Variants in NAALADL2 observed in about 807,000 individuals in gnomAD.
NAALADL2 encodes the protein inactive N-acetylated-alpha-linked acidic dipeptidase-like protein 2.
In NAALADL2, 76 loss-of-function variants were observed where a neutral mutation model predicts 87.2. The ratio of observed to expected loss-of-function variants is 0.87; its 90% CI spans 0.72 to 1.05. NAALADL2 has a LOEUF of 1.05. Among genes scored for constraint, NAALADL2 ranks in the 50% least tolerant of loss-of-function variants. The pLI is 0.00. For missense variants in NAALADL2, 1,089 were observed against 945.8 expected, an observed-to-expected ratio of 1.15 and a Z score of -1.99; for synonymous variants, 354 against 331.0, an observed-to-expected ratio of 1.07 and a Z score of -0.75.
chr3:175,106,654 G>A (rs10049218), intron 2 of NAALADL2, among the ~76,000 whole-genome samples: 15,591 of 152,028 alleles, frequency 0.1, 826 homozygotes, highest in Middle Eastern at 0.18. Context: ...AGAGTGCGGT[G>A]TAAGTTAAAC....
chr3:175,609,022 ATTGT>A (rs1241337589), intron 10 of NAALADL2, among the ~76,000 whole-genome samples: 59 of 150,806 alleles, frequency 3.9e-4, no homozygotes, highest in African/African-American at 1.3e-3. Flanking sequence ...AGTAGTAGTA[ATTGT>A]TTGTACTAAG....
chr3:174,930,272 T>C (rs571930514), intron 1 of NAALADL2, among the ~76,000 whole-genome samples: 29 of 152,274 alleles, frequency 1.9e-4, no homozygotes, highest in African/African-American at 6.7e-4. Context: ...ATTTTTTATA[T>C]ATATTATTCC....
chr3:174,624,623 C>CA lies in NAALADL2; in HGVS notation c.-115+74001dup, dbSNP rs35352173. 9.4e-3 allele frequency among the ~76,000 whole-genome samples: 1,322 copies of CA among 139,958 alleles called. 16 individuals carry two copies. The highest frequency in any genetic ancestry group is 0.028 in the African/African-American group (1,074 of 38,404). The allele number at this position is 139,958 out of a possible 152,430, so 91.8% of individuals were successfully genotyped here. A position where few individuals can be genotyped will look rare whatever the true frequency, so the allele number is the denominator to read the frequency against. On this transcript the variant is annotated intron_variant, in intron 2 of 3. Coordinates refer to the NAALADL2 transcript ENST00000434257. ...TGGGCGACAGAGCGAGACTCCATCT[C>CA]AAAAAAAAAAAAAAAGTTGGCATCA...
intron 1 of NAALADL2, among the ~76,000 whole-genome samples, chr3:174,955,411 T>C (rs1427965323): frequency 6.6e-6 from 1 of 152,144 alleles, no homozygotes; most frequent in Non-Finnish European, 1.5e-5. Context: ...TGTTTGGATA[T>C]TCTCTTCAAG....
At chr3:174,821,176 A>C (rs994420535) in intron 3 of NAALADL2, among the ~76,000 whole-genome samples, 1 of 152,188 alleles carries the variant, frequency 6.6e-6, no homozygotes, top group African/African-American at 2.4e-5. Context: ...TGGCTTAGTA[A>C]AATCAATGCT....
chr3:174,771,424 A>G (rs956962359), intron 3 of NAALADL2, among the ~76,000 whole-genome samples: 4 of 152,174 alleles, frequency 2.6e-5, no homozygotes, highest in Admixed American at 1.3e-4. Context: ...TACTAGGGAC[A>G]TGGTTGTTAC....
chr3:174,457,296 G>C (rs1370535711), intron 1 of NAALADL2, among the ~76,000 whole-genome samples: 1 of 152,146 alleles, frequency 6.6e-6, no homozygotes, highest in Non-Finnish European at 1.5e-5. Context: ...ACAGTGTGGT[G>C]ATTCCTCAAA....
At chr3:174,667,689 G>C (rs1022487010) in intron 2 of NAALADL2, among the ~76,000 whole-genome samples, 1 of 151,884 alleles carries the variant, frequency 6.6e-6, no homozygotes, top group Non-Finnish European at 1.5e-5. Context: ...TGGTGGGTGA[G>C]AGTTCTGCTC....
At chr3:174,534,828 A>G (rs2108449641) in intron 1 of NAALADL2, among the ~76,000 whole-genome samples, 1 of 152,314 alleles carries the variant, frequency 6.6e-6, no homozygotes, top group Non-Finnish European at 1.5e-5. Flanking sequence ...AGAGAAAAAA[A>G]GTGATTTGTT....
intron 2 of NAALADL2, among the ~76,000 whole-genome samples, chr3:174,716,832 T>C (rs1731238658): frequency 6.6e-6 from 1 of 152,096 alleles, no homozygotes; most frequent in Non-Finnish European, 1.5e-5. Context: ...TGTATGATTA[T>C]ATTAACATAT....
At chr3:175,666,788 T>G (rs1733060511) in intron 11 of NAALADL2, among the ~76,000 whole-genome samples, 1 of 151,468 alleles carries the variant, frequency 6.6e-6, no homozygotes, top group Admixed American at 6.6e-5. Flanking sequence ...AGATTACATT[T>G]TAATACAAAT....
At chr3:175,252,572 G>A (rs1749247490) in intron 3 of NAALADL2, among the ~76,000 whole-genome samples, 1 of 152,064 alleles carries the variant, frequency 6.6e-6, no homozygotes, top group Admixed American at 6.6e-5. Flanking sequence ...TCCTACAATG[G>A]CCTCTAAGTG....
intron 2 of NAALADL2, among the ~76,000 whole-genome samples, chr3:174,598,939 C>G (rs1013896608): frequency 2.0e-5 from 3 of 152,116 alleles, no homozygotes; most frequent in Non-Finnish European, 2.9e-5. Context: ...CATGTTGTCT[C>G]TCTGTGGCTA....
intron 9 of NAALADL2, among the ~76,000 whole-genome samples, chr3:175,528,365 G>T (rs1270712880): frequency 6.6e-6 from 1 of 152,090 alleles, no homozygotes; most frequent in East Asian, 1.9e-4. Flanking sequence ...GGCTAAGCCA[G>T]TCTAGAGTTT....
intron 2 of NAALADL2, among the ~76,000 whole-genome samples, chr3:175,176,692 G>C (rs887089957): frequency 4.6e-5 from 7 of 152,058 alleles, no homozygotes; most frequent in Non-Finnish European, 7.4e-5. Context: ...AGAGGTCAGA[G>C]AGGAAGGGAG....
intron 5 of NAALADL2, among the ~76,000 whole-genome samples, chr3:175,349,077 A>G (rs1029133432): frequency 6.6e-6 from 1 of 152,066 alleles, no homozygotes; most frequent in African/African-American, 2.4e-5. Flanking sequence ...TGTGGGGGAC[A>G]TGTTGTTGTA....
intron 2 of NAALADL2, among the ~76,000 whole-genome samples, chr3:174,710,510 T>G (rs1730525115): frequency 6.6e-6 from 1 of 152,124 alleles, no homozygotes; most frequent in Admixed American, 6.5e-5. Context: ...CGCCTTGGCC[T>G]CCCAAAGTGC....
At chr3:174,592,048 T>A (rs1717414339) in intron 2 of NAALADL2, among the ~76,000 whole-genome samples, 1 of 152,144 alleles carries the variant, frequency 6.6e-6, no homozygotes, top group Non-Finnish European at 1.5e-5. Flanking sequence ...TGAGTTTTTT[T>A]TAAATGACAT....
In NAALADL2 at chr3:175,610,675, A is replaced by G. The variant is rs559281961; in HGVS notation, c.1801-16616A>G. 7.2e-5 allele frequency among the ~76,000 whole-genome samples: 11 copies of G among 152,178 alleles called. No homozygotes were observed. In the South Asian group the frequency reaches 2.1e-3, roughly 29 times the overall value. On this transcript the variant is annotated intron_variant, in intron 10 of 13. Transcript: ENST00000454872. ...TCCCTTTTGTGTGGAATTTTTGATC[A>G]TGTGTGTTTCTGATAAAGATTCAGA...
Sources: gnomAD v4.1 joint callset for allele counts (sites outside exome capture counted in the v4.1 genomes callset) on GRCh38, gnomAD v4.1.1 for gene constraint, MANE v1.5 for transcripts, NCBI Gene and HGNC (gene_info 2026-07-23, HGNC 2026-07-21) for gene names.